The following SYN3 variants were observed in gnomAD, a reference collection of about 807,000 sequenced individuals.
The protein encoded by SYN3 is synapsin-3.
Under a neutral mutation model 65.8 loss-of-function variants are expected in SYN3, and 35 were observed. The observed-to-expected ratio is 0.53, with a 90% confidence interval of 0.41 to 0.70. The LOEUF (loss-of-function observed/expected upper bound fraction) is 0.70, where lower values mean the gene tolerates loss of function less well. Ranked by LOEUF, SYN3 falls within the 30% of genes least tolerant of loss-of-function variation. The pLI, the probability that SYN3 is intolerant of heterozygous loss-of-function variation, is 0.00. For missense variants in SYN3, 680 were observed against 749.0 expected (o/e 0.91, Z 1.08); for synonymous variants, 270 against 292.9 (o/e 0.92, Z 0.80).
intron 2 of SYN3, among the ~76,000 whole-genome samples, chr22:32,991,892 A>G (rs1342950874): frequency 2.0e-5 from 3 of 152,222 alleles, no homozygotes; most frequent in Admixed American, 1.3e-4. Flanking sequence ...TGCACGTCCC[A>G]GGCAGGCCTC....
chr22:32,911,838 A>G (rs561547824), intron 4 of SYN3, among the ~76,000 whole-genome samples: 97 of 152,262 alleles, frequency 6.4e-4, no homozygotes, highest in African/African-American at 2.3e-3. Flanking sequence ...GAAAGCCCCA[A>G]TGCTCTGTCA....
At chr22:32,839,552 C>T (rs1248165035) in intron 6 of SYN3, among the ~76,000 whole-genome samples, 2 of 152,124 alleles carry the variant, frequency 1.3e-5, no homozygotes, top group African/African-American at 4.8e-5. Context: ...CAGGAATCAG[C>T]CAGCCCTAGG....
intron 6 of SYN3, among the ~76,000 whole-genome samples, chr22:32,668,333 G>T (rs2060318306): frequency 6.6e-6 from 1 of 152,154 alleles, no homozygotes; most frequent in South Asian, 2.1e-4. Context: ...AATCGGTTTT[G>T]TTTCTCCTCA....
In SYN3 at chr22:32,758,708, T is replaced by C. The variant is rs1406127082; in HGVS notation, c.711+106207A>G. On this transcript the variant is annotated intron_variant, in intron 6 of 13. Coordinates refer to ENST00000358763, the MANE Select transcript of SYN3 (RefSeq NM_003490.4). ...TATATATATATATATATATGTCTTA[T>C]TAGTTCTGTCCCTCTTGGGAACCCT... 6.4e-5 allele frequency among the ~76,000 whole-genome samples: 2 copies of C among 31,076 alleles called. 1 individual carries two copies. The allele number at this position is 31,076 out of a possible 152,430, so 20.4% of individuals were successfully genotyped here.
chr22:32,567,724 A>G (rs900775227), intron 7 of SYN3, among the ~76,000 whole-genome samples: 1 of 152,140 alleles, frequency 6.6e-6, no homozygotes, highest in Non-Finnish European at 1.5e-5. Flanking sequence ...GATGGGGTTG[A>G]CGAGCCTCAG....
intron 6 of SYN3, among the ~76,000 whole-genome samples, chr22:32,768,707 C>T (rs1470715944): frequency 6.6e-6 from 1 of 152,124 alleles, no homozygotes; most frequent in Non-Finnish European, 1.5e-5. Context: ...AAACTGTGAC[C>T]ATGAACTGCA....
intron 7 of SYN3, among the ~76,000 whole-genome samples, chr22:32,552,969 G>A (rs1197190433): frequency 6.6e-6 from 1 of 152,204 alleles, no homozygotes; most frequent in Non-Finnish European, 1.5e-5. Flanking sequence ...TCAAGGTGCT[G>A]GCATGGTCAG....
At chr22:32,739,174 A>AGGG (rs201178182) in intron 6 of SYN3, among the ~76,000 whole-genome samples, 1,545 of 146,096 alleles carry the variant, frequency 0.011, 15 homozygotes, top group East Asian at 0.024. Flanking sequence ...ATTGAATCAC[A>AGGG]GGGGGGGGGC....
intron 6 of SYN3, among the ~76,000 whole-genome samples, chr22:32,752,165 C>T (rs1441543155): frequency 1.3e-5 from 2 of 152,074 alleles, no homozygotes; most frequent in Non-Finnish European, 2.9e-5. Flanking sequence ...CTTGATGAGC[C>T]CTCACTGTGA....
intron 3 of SYN3, among the ~76,000 whole-genome samples, chr22:32,942,921 A>G (rs2050984586): frequency 6.6e-6 from 1 of 152,202 alleles, no homozygotes; most frequent in Admixed American, 6.5e-5. Context: ...AAACGAACAA[A>G]GCCTCCAAGA....
intron 1 of SYN3, among the ~76,000 whole-genome samples, chr22:33,052,847 T>G (rs1601970007): frequency 6.6e-6 from 1 of 152,362 alleles, no homozygotes; most frequent in East Asian, 1.9e-4. Flanking sequence ...GTTCCTGAAC[T>G]TGCTTTTATC....
At chr22:32,831,166 C>A (rs931406799) in intron 6 of SYN3, among the ~76,000 whole-genome samples, 1 of 152,096 alleles carries the variant, frequency 6.6e-6, no homozygotes, top group African/African-American at 2.4e-5. Flanking sequence ...GCATGTCCTT[C>A]AGGAGGGTGT....
chr22:32,859,098 G>C (rs770754104), intron 6 of SYN3: 2 of 1,427,184 alleles, frequency 1.4e-6, no homozygotes, highest in South Asian at 2.3e-5. Flanking sequence ...GTGGCCCCAG[G>C]GTCTGAATCC....
chr22:32,590,888 A>T (rs2059118492), intron 7 of SYN3, among the ~76,000 whole-genome samples: 1 of 152,256 alleles, frequency 6.6e-6, no homozygotes, highest in Non-Finnish European at 1.5e-5. Flanking sequence ...TATGTGACAT[A>T]TGATGCTATT....
At chr22:32,527,748 T>G in intron 12 of SYN3, 170 bp downstream of exon 12, 1 of 582,506 alleles carries the variant, frequency 1.7e-6, no homozygotes, top group Non-Finnish European at 3.0e-6. Flanking sequence ...CCCTTCTCCT[T>G]TCTTGACTTT....
intron 1 of SYN3, among the ~76,000 whole-genome samples, chr22:33,029,454 A>G (rs979078832): frequency 2.6e-5 from 4 of 152,156 alleles, no homozygotes; most frequent in African/African-American, 9.7e-5. Flanking sequence ...AAGCGCTGGG[A>G]TTACAGGTGT....
chr22:32,633,629 T>C (rs1264710820), intron 6 of SYN3, among the ~76,000 whole-genome samples: 1 of 152,238 alleles, frequency 6.6e-6, no homozygotes, highest in East Asian at 1.9e-4. Context: ...AAATAATCTT[T>C]TTTTAAATTT....
At chr22:32,640,990 G>A (rs1304643242) in intron 6 of SYN3, among the ~76,000 whole-genome samples, 2 of 152,194 alleles carry the variant, frequency 1.3e-5, no homozygotes, top group Non-Finnish European at 2.9e-5. Context: ...GGTTTGCTAC[G>A]TAGCTTAAGC....
intron 6 of SYN3, among the ~76,000 whole-genome samples, chr22:32,834,810 G>C (rs908281585): frequency 1.9e-4 from 29 of 152,106 alleles, no homozygotes; most frequent in African/African-American, 6.5e-4. Flanking sequence ...CCTGGAGAGG[G>C]GTCTGCATGA....
Sources: gnomAD v4.1 joint callset for allele counts (sites outside exome capture counted in the v4.1 genomes callset) on GRCh38, gnomAD v4.1.1 for gene constraint, MANE v1.5 for transcripts, NCBI Gene and HGNC (gene_info 2026-07-23, HGNC 2026-07-21) for gene names.